Variants in PAK3 observed in about 807,000 individuals in gnomAD.
PAK3 encodes the protein p21 (RAC1) activated kinase 3, also known as serine/threonine-protein kinase PAK 3.
Under a neutral mutation model 41.0 loss-of-function variants are expected in PAK3, and 4 were observed. The observed-to-expected ratio is 0.10, with a 90% confidence interval of 0.05 to 0.22. PAK3 has a LOEUF of 0.22. Ranked by LOEUF, PAK3 falls within the 10% of genes least tolerant of loss-of-function variation. The pLI, the probability that PAK3 is intolerant of heterozygous loss-of-function variation, is 1.00. For missense variants in PAK3, 205 were observed against 409.9 expected (o/e 0.50, Z 4.32); for synonymous variants, 146 against 139.6 (o/e 1.05, Z -0.32).
chrX:110,981,701 C>T (rs944239510), intron 1 of PAK3, among the ~76,000 whole-genome samples: 1 of 111,009 alleles, frequency 9.0e-6, no homozygotes, highest in Admixed American at 9.6e-5. Flanking sequence ...ATGAAAATCA[C>T]AACCCTGGCC....
intron 8 of PAK3, among the ~76,000 whole-genome samples, chrX:111,153,193 TTAAG>T (rs1417882210): frequency 2.7e-5 from 3 of 111,861 alleles, no homozygotes; most frequent in Non-Finnish European, 5.7e-5. Context: ...TACAGCCCAG[TTAAG>T]TAAGTCTTAC....
At chrX:110,978,334 C>T (rs2091377848) in intron 1 of PAK3, among the ~76,000 whole-genome samples, 1 of 109,061 alleles carries the variant, frequency 9.2e-6, no homozygotes, top group Admixed American at 9.7e-5. Flanking sequence ...TTAAGGCAGT[C>T]CCCCCCTCTA....
intron 4 of PAK3, among the ~76,000 whole-genome samples, chrX:111,110,969 A>C (rs1457305604): frequency 8.9e-6 from 1 of 111,824 alleles, no homozygotes; most frequent in Non-Finnish European, 1.9e-5. Context: ...CTCTTTGACC[A>C]TCTTTCTCAG....
intron 10 of PAK3, 113 bp from the exon 11 acceptor site, chrX:111,172,905 G>A (rs948615696): frequency 4.7e-5 from 25 of 526,772 alleles, no homozygotes; most frequent in Non-Finnish European, 1.7e-5. Flanking sequence ...ACTGACTCTG[G>A]CATCTTAATT....
chrX:111,008,228 G>A (rs766319576), intron 1 of PAK3, among the ~76,000 whole-genome samples: 22 of 112,315 alleles, frequency 2.0e-4, no homozygotes, highest in South Asian at 7.4e-4. Context: ...CCTCAGTTCC[G>A]TTACTCTTAA....
intron 11 of PAK3, among the ~76,000 whole-genome samples, chrX:111,188,658 C>T (rs1048882841): frequency 9.0e-5 from 10 of 111,285 alleles, no homozygotes; most frequent in Non-Finnish European, 1.7e-4. Context: ...ACCAGTCATC[C>T]CCTACTGTGA....
chrX:110,972,288 C>G (rs946659048), intron 1 of PAK3, among the ~76,000 whole-genome samples: 4 of 111,569 alleles, frequency 3.6e-5, no homozygotes, highest in Non-Finnish European at 7.5e-5. Context: ...GGGTCCCCGA[C>G]CCCCGTGTAG....
intron 13 of PAK3, among the ~76,000 whole-genome samples, chrX:111,193,913 A>G (rs1433088960): frequency 1.8e-5 from 2 of 111,897 alleles, no homozygotes; most frequent in South Asian, 3.8e-4. Flanking sequence ...TATGGACACC[A>G]CAGTTTGAGC....
At chrX:110,995,541 A>G (rs1325993620) in intron 1 of PAK3, among the ~76,000 whole-genome samples, 2 of 111,251 alleles carry the variant, frequency 1.8e-5, no homozygotes, top group African/African-American at 6.5e-5. Context: ...TCCCTCTTAG[A>G]CTACCAAAAC....
At chrX:111,121,937 A>C (rs183757797) in intron 4 of PAK3, among the ~76,000 whole-genome samples, 1 of 111,141 alleles carries the variant, frequency 9.0e-6, no homozygotes, top group East Asian at 2.8e-4. Context: ...AAATATACTC[A>C]GATGTAGACA....
At chrX:111,049,066 G>T (rs1367444249) in intron 1 of PAK3, among the ~76,000 whole-genome samples, 2 of 111,485 alleles carry the variant, frequency 1.8e-5, no homozygotes, top group Non-Finnish European at 3.8e-5. Context: ...TAGTCTTACT[G>T]TCTTTCTGTT....
At chrX:111,091,639 T>C (rs1246957430), upstream of PAK3, among the ~76,000 whole-genome samples, 1 of 112,036 alleles carries the variant, frequency 8.9e-6, no homozygotes, top group Non-Finnish European at 1.9e-5. Flanking sequence ...TTGGCATCTC[T>C]GATGCTCCTT....
At chrX:110,988,021 A>G (rs2091578442) in intron 1 of PAK3, among the ~76,000 whole-genome samples, 1 of 112,768 alleles carries the variant, frequency 8.9e-6, no homozygotes, top group Admixed American at 9.4e-5. Flanking sequence ...ATGCTGAAGC[A>G]CTGGTGTGGA....
intron 5 of PAK3, among the ~76,000 whole-genome samples, chrX:111,130,725 C>T (rs1013751982): frequency 8.0e-5 from 9 of 112,070 alleles, no homozygotes; most frequent in African/African-American, 2.9e-4. Flanking sequence ...GGATATCACT[C>T]ATAAGATGAA....
At chrX:111,045,184 A>G (rs1342796925) in intron 1 of PAK3, among the ~76,000 whole-genome samples, 1 of 112,207 alleles carries the variant, frequency 8.9e-6, no homozygotes, top group Non-Finnish European at 1.9e-5. Context: ...AAAGATGCCA[A>G]TAAGGGCAAG....
intron 1 of PAK3, among the ~76,000 whole-genome samples, chrX:111,012,117 T>G (rs146176623): frequency 1.8e-5 from 2 of 111,552 alleles, no homozygotes; most frequent in African/African-American, 6.5e-5. Flanking sequence ...AATTATAATA[T>G]GGTAAACATA....
chrX:111,095,412 A>T (rs894046479), upstream of PAK3, among the ~76,000 whole-genome samples: 1 of 111,554 alleles, frequency 9.0e-6, no homozygotes, highest in Non-Finnish European at 1.9e-5. Context: ...TAGCCAAATC[A>T]TGGGGAGTAT....
chrX:111,085,113 G>T (rs887347810), intron 1 of PAK3, among the ~76,000 whole-genome samples: 1 of 111,890 alleles, frequency 8.9e-6, no homozygotes, highest in African/African-American at 3.2e-5. Context: ...GTACTGAGTT[G>T]GTTTTAGATG....
At chrX:111,068,234 T>G (rs2092715547) in intron 1 of PAK3, among the ~76,000 whole-genome samples, 1 of 111,914 alleles carries the variant, frequency 8.9e-6, no homozygotes, top group South Asian at 3.7e-4. Context: ...AATTTATTTG[T>G]TTTCTATTTA....
Sources: allele counts gnomAD v4.1 joint callset (sites outside exome capture counted in the v4.1 genomes callset), GRCh38; gene constraint gnomAD v4.1.1; transcripts MANE v1.5; gene names NCBI Gene and HGNC (gene_info 2026-07-23, HGNC 2026-07-21).